The following EBF1 variants were observed in gnomAD, a reference collection of about 807,000 sequenced individuals.
The protein encoded by EBF1 is EBF transcription factor 1.
Under a neutral mutation model 68.4 loss-of-function variants are expected in EBF1, and 10 were observed. That is an observed-to-expected ratio of 0.15 (90% confidence interval 0.09 to 0.25). The LOEUF (loss-of-function observed/expected upper bound fraction) is 0.25, where lower values mean the gene tolerates loss of function less well. Among genes scored for constraint, EBF1 ranks in the 10% least tolerant of loss-of-function variants. The probability of loss-of-function intolerance (pLI) is 1.00; values close to 1 mark genes in which losing one functional copy is unlikely to be tolerated. For synonymous variants in EBF1, 298 were observed against 299.8 expected (o/e 0.99, Z 0.06); for missense variants, 509 against 794.4 (o/e 0.64, Z 4.32).
intron 6 of EBF1, among the ~76,000 whole-genome samples, chr5:158,943,821 C>T (rs1440096880): frequency 6.6e-6 from 1 of 152,232 alleles, no homozygotes; most frequent in East Asian, 1.9e-4. Flanking sequence ...AGCACAACTG[C>T]TCCATGTTTG....
intron 3 of EBF1, among the ~76,000 whole-genome samples, chr5:159,095,986 C>A (rs1267335328): frequency 6.6e-6 from 1 of 152,240 alleles, no homozygotes; most frequent in Non-Finnish European, 1.5e-5. Flanking sequence ...TCTGCTCTCG[C>A]ACACAGCCTT....
chr5:158,901,296 G>A (rs1171718363), intron 6 of EBF1, among the ~76,000 whole-genome samples: 5 of 152,150 alleles, frequency 3.3e-5, no homozygotes, highest in African/African-American at 1.2e-4. Context: ...ACCAAGCACC[G>A]CTAAAGCTTG....
At chr5:159,052,090 TA>T (rs1773857040) in intron 6 of EBF1, among the ~76,000 whole-genome samples, 1 of 151,982 alleles carries the variant, frequency 6.6e-6, no homozygotes, top group Non-Finnish European at 1.5e-5. Context: ...TTAATAAAAC[TA>T]AACCTTATTT....
chr5:158,906,551 G>A (rs994175418), intron 6 of EBF1, among the ~76,000 whole-genome samples: 6 of 152,256 alleles, frequency 3.9e-5, no homozygotes, highest in South Asian at 4.1e-4. Context: ...GCTTACACAC[G>A]TCTCATACTC....
intron 6 of EBF1, among the ~76,000 whole-genome samples, chr5:159,059,335 T>G (rs1447574414): frequency 6.6e-6 from 1 of 152,172 alleles, no homozygotes; most frequent in Non-Finnish European, 1.5e-5. Flanking sequence ...AGAAACATTT[T>G]TAAGCCACTG....
intron 10 of EBF1, among the ~76,000 whole-genome samples, chr5:158,741,377 C>T (rs1320744289): frequency 2.0e-5 from 3 of 152,014 alleles, no homozygotes; most frequent in Admixed American, 6.5e-5. Context: ...GAGTTTGAAA[C>T]CAGCCTGGTC....
At chr5:158,788,013 T>C (rs1028128445) in intron 9 of EBF1, among the ~76,000 whole-genome samples, 4 of 146,508 alleles carry the variant, frequency 2.7e-5, no homozygotes, top group Non-Finnish European at 3.0e-5. Flanking sequence ...TTAGGGAGCA[T>C]TTGTTTGACT....
chr5:158,752,625 C>T (rs757609605), intron 10 of EBF1, among the ~76,000 whole-genome samples: 4 of 152,050 alleles, frequency 2.6e-5, no homozygotes, highest in Admixed American at 6.6e-5. Context: ...GGGAGGAAAA[C>T]AACTGTTTTT....
At chr5:158,957,738 C>T (rs1817425134) in intron 6 of EBF1, among the ~76,000 whole-genome samples, 1 of 152,190 alleles carries the variant, frequency 6.6e-6, no homozygotes, top group African/African-American at 2.4e-5. Context: ...TGGACGCTTC[C>T]TCTGCCAAAC....
At chr5:158,711,597 C>T (rs147416879) in intron 14 of EBF1, among the ~76,000 whole-genome samples, 25 of 152,078 alleles carry the variant, frequency 1.6e-4, no homozygotes, top group African/African-American at 5.1e-4. Flanking sequence ...TGAAACAAGA[C>T]GAAACTAATA....
intron 6 of EBF1, among the ~76,000 whole-genome samples, chr5:158,939,978 A>G (rs1454844001): frequency 6.6e-6 from 1 of 152,158 alleles, no homozygotes; most frequent in African/African-American, 2.4e-5. Context: ...ATACCCTCTT[A>G]CCACTCTCCT....
chr5:159,036,390 C>T (rs886196426), intron 6 of EBF1, among the ~76,000 whole-genome samples: 1 of 150,470 alleles, frequency 6.6e-6, no homozygotes, highest in Non-Finnish European at 1.5e-5. Context: ...TATCACACTA[C>T]CTGACTTCAA....
intron 6 of EBF1, among the ~76,000 whole-genome samples, chr5:158,979,133 A>C (rs1757413145): frequency 6.6e-6 from 1 of 152,222 alleles, no homozygotes; most frequent in Non-Finnish European, 1.5e-5. Flanking sequence ...AAAGTGAAAA[A>C]GGTTTGGAGA....
At chr5:158,793,909 T>C (rs893374028) in intron 9 of EBF1, among the ~76,000 whole-genome samples, 2 of 152,118 alleles carry the variant, frequency 1.3e-5, no homozygotes, top group African/African-American at 4.8e-5. Flanking sequence ...ATAGAAATAG[T>C]TTAGAATATT....
intron 4 of EBF1, among the ~76,000 whole-genome samples, chr5:159,088,775 G>A (rs1419402696): frequency 1.3e-5 from 2 of 152,008 alleles, no homozygotes; most frequent in African/African-American, 2.4e-5. Flanking sequence ...AGTGAAGATG[G>A]GATGCCTGCT....
chr5:158,997,960 A>G (rs1761757466), intron 6 of EBF1, among the ~76,000 whole-genome samples: 1 of 152,100 alleles, frequency 6.6e-6, no homozygotes, highest in African/African-American at 2.4e-5. Context: ...TCTACTGTAA[A>G]TGGCCCTGTC....
At chr5:159,062,655 A>T (rs1169584646) in intron 6 of EBF1, among the ~76,000 whole-genome samples, 3 of 152,240 alleles carry the variant, frequency 2.0e-5, no homozygotes, top group Admixed American at 6.5e-5. Context: ...CGCGTTTGAC[A>T]TAATAGAGGA....
chr5:158,801,910 T>C (rs756472494), intron 8 of EBF1, among the ~76,000 whole-genome samples: 7 of 152,174 alleles, frequency 4.6e-5, no homozygotes, highest in Non-Finnish European at 8.8e-5. Context: ...ACACTCGCAC[T>C]GGGAGCATCA....
chr5:159,053,616 C>T (rs932562306), intron 6 of EBF1, among the ~76,000 whole-genome samples: 1 of 151,710 alleles, frequency 6.6e-6, no homozygotes, highest in East Asian at 1.9e-4. Flanking sequence ...CACACACACA[C>T]ACACACACAC....
Sources: allele counts gnomAD v4.1 joint callset (sites outside exome capture counted in the v4.1 genomes callset), GRCh38; gene constraint gnomAD v4.1.1; transcripts MANE v1.5; gene names NCBI Gene and HGNC (gene_info 2026-07-23, HGNC 2026-07-21).